The following PLAGL1 variants were observed in gnomAD, a reference collection of about 807,000 sequenced individuals.
PLAGL1 encodes PLAG1 like zinc finger 1.
In PLAGL1, 1 loss-of-function variant was observed where a neutral mutation model predicts 4.6. The observed-to-expected ratio is 0.22, with a 90% CI of 0.08 to 1.03. The LOEUF (loss-of-function observed/expected upper bound fraction) is 1.03, where lower values mean the gene tolerates loss of function less well. PLAGL1 is among the 50% of genes least tolerant of loss of function. The pLI is 0.58. For missense variants in PLAGL1, 464 were observed against 570.4 expected, an observed-to-expected ratio of 0.81 and a Z score of 1.90; for synonymous variants, 240 against 237.8, an observed-to-expected ratio of 1.01 and a Z score of -0.08.
rs918308001 is a variant in PLAGL1 at position 143,945,884 on chromosome 6, C to T, written c.152+2101G>A. On this transcript the variant is annotated intron_variant, in intron 7 of 7. Coordinates refer to ENST00000674357, the MANE Select transcript of PLAGL1 (RefSeq NM_001317162.2). This position sits in a 1 kb window ranked among gnomAD's most constrained non-coding sequence, Gnocchi z 4.2. ...ATGCTGGGGGCTGAGGCAGGGAAGG[C>T]GGTTCTTGCATAAAGTACACTGACA... is the stretch of plus-strand genomic sequence containing the variant. 3.9e-5 allele frequency among the ~76,000 whole-genome samples: 6 copies of T among 152,184 alleles called. No homozygotes were observed. Among genetic ancestry groups the T allele is most frequent in the African/African-American group, 1.2e-4 (5 of 41,436 alleles).
At chr6:144,051,399 C>T (rs1798575740) in intron 1 of PLAGL1, among the ~76,000 whole-genome samples, 2 of 152,324 alleles carry the variant, frequency 1.3e-5, no homozygotes, top group Non-Finnish European at 1.5e-5. Flanking sequence ...TTTTGGTAAA[C>T]AACACCCACC....
rs984114217 is a variant in PLAGL1 at position 143,952,042 on chromosome 6, A to G, written c.-324-3582T>C. Among the ~76,000 whole-genome samples the G allele has an allele frequency of 3.3e-5, 5 of 152,236 alleles. No homozygotes were observed. Among genetic ancestry groups the G allele is most frequent in the Non-Finnish European group, 7.3e-5 (5 of 68,042 alleles). ...ATAATAATAAACTTCTGTAAAAACA[A>G]GACTGTCTACCCCAACAGACTATAA... is the stretch of plus-strand genomic sequence containing the variant. On this transcript the variant is annotated intron_variant, in intron 6 of 7. Coordinates refer to ENST00000674357, the MANE Select transcript of PLAGL1 (RefSeq NM_001317162.2). The surrounding 1 kb of genome is among the most constrained non-coding windows in gnomAD (Gnocchi z 6.1).
intron 1 of PLAGL1, among the ~76,000 whole-genome samples, chr6:144,002,487 T>G (rs1210303172): frequency 6.6e-6 from 1 of 152,108 alleles, no homozygotes; most frequent in Non-Finnish European, 1.5e-5. Context: ...TAAACCATTT[T>G]TTTTCCAGAT....
rs1312790149 is a variant in PLAGL1, at chr6:144,004,677, A to G, written c.-584+3413T>C. ...ATCACAAAGGTATACACATATGTAA[A>G]TTTCACCAAGCTACACACTTTTTTT... On this transcript the variant is annotated intron_variant, in intron 1 of 7. Transcript: ENST00000674357. This position sits in a 1 kb window ranked among gnomAD's most constrained non-coding sequence, Gnocchi z 4.2. Among the ~76,000 whole-genome samples the G allele has an allele frequency of 6.6e-6, 1 of 152,168 alleles. No individual in the cohort carries two copies. The highest frequency in any genetic ancestry group is 2.4e-5 in the African/African-American group (1 of 41,444).
intron 1 of PLAGL1, among the ~76,000 whole-genome samples, chr6:144,020,921 C>A: frequency 6.9e-6 from 1 of 144,380 alleles, no homozygotes; most frequent in Admixed American, 7.0e-5. Flanking sequence ...TAATATAAAA[C>A]TATAGATATA....
In PLAGL1 at chr6:144,000,452, G is replaced by T. The variant is rs947440168; in HGVS notation, c.-584+7638C>A. Among the ~76,000 whole-genome samples the T allele has an allele frequency of 6.6e-6, 1 of 152,006 alleles. No homozygotes were observed. Among genetic ancestry groups the T allele is most frequent in the Non-Finnish European group, 1.5e-5 (1 of 67,954 alleles). On this transcript the variant is annotated intron_variant, in intron 1 of 7. Transcript: ENST00000674357. This position sits in a 1 kb window ranked among gnomAD's most constrained non-coding sequence, Gnocchi z 4.1. The stretch of plus-strand genomic sequence containing the variant: ...TTCACAGTAGCAACAAAAATCATCA[G>T]GATCTAGAAATAAATGTAACAAAAT...
In PLAGL1 at chr6:143,971,444, C is replaced by T. The variant is rs1785409068; in HGVS notation, c.-543-2466G>A. Among the ~76,000 whole-genome samples, 1 of 152,214 alleles carries T rather than the reference C, an allele frequency of 6.6e-6. No homozygotes were observed. The highest frequency in any genetic ancestry group is 1.5e-5 in the Non-Finnish European group (1 of 68,032). On this transcript the variant is annotated intron_variant, in intron 2 of 7. Transcript: ENST00000674357. The surrounding 1 kb of genome is among the most constrained non-coding windows in gnomAD (Gnocchi z 4.7). Reference sequence around the variant, plus strand: ...TTGTCTGCTTACTTACTCCCTCCTACAACACTTTCTAAAAATTTCCATTAT... The same window carrying T: ...TTGTCTGCTTACTTACTCCCTCCTATAACACTTTCTAAAAATTTCCATTAT...
rs915984797 is a variant in PLAGL1 at position 143,997,766 on chromosome 6, G to A, written c.-584+10324C>T. On this transcript the variant is annotated intron_variant, in intron 1 of 7. Coordinates refer to ENST00000674357, the MANE Select transcript of PLAGL1 (RefSeq NM_001317162.2). This position sits in a 1 kb window ranked among gnomAD's most constrained non-coding sequence, Gnocchi z 4.6. The stretch of plus-strand genomic sequence containing the variant: ...CATCAGAAGAGTGTGATCCATAGGG[G>A]AGGTGTTGACCAGGAGGTAAATGAG... Among the ~76,000 whole-genome samples the A allele has an allele frequency of 6.6e-6, 1 of 152,018 alleles. No individual in the cohort carries two copies. The highest frequency in any genetic ancestry group is 1.5e-5 in the Non-Finnish European group (1 of 68,022).
At chr6:143,993,104 C>T (rs1031691383) in intron 1 of PLAGL1, among the ~76,000 whole-genome samples, 10 of 151,618 alleles carry the variant, frequency 6.6e-5, no homozygotes, top group African/African-American at 1.2e-4. Context: ...GTCAGGAGTT[C>T]GAGTCCAGCC....
chr6:143,986,381 A>G (rs369428198), intron 1 of PLAGL1, among the ~76,000 whole-genome samples: 19 of 152,280 alleles, frequency 1.2e-4, no homozygotes, highest in African/African-American at 4.6e-4. Flanking sequence ...AAAGGTTGGG[A>G]CATGCAGAAA....
chr6:143,942,492 C>A lies in PLAGL1; in HGVS notation c.324G>T (p.Arg108Ser), dbSNP rs775255229. The A allele has an allele frequency of 1.2e-6, 2 of 1,614,158 alleles. No individual in the cohort carries two copies. The highest frequency in any genetic ancestry group is 3.3e-5 in the Admixed American group (2 of 60,018). The stretch of plus-strand genomic sequence containing the variant: ...TGCTGGCCGCATGGAGGGCCAGGTG[C>A]CTCTTATAGCCCAGCATGGTGTTGT... ...KKYNTMLGYKRHLALHAASSG... is the reference protein window; with the variant it reads ...KKYNTMLGYKSHLALHAASSG... The change falls in exon 8 of 8, where the codon AGG becomes AGT. Residue 108 changes from arginine (R) to serine (S), a missense_variant. This residue lies in a region of PLAGL1 where 161 missense variants were observed against 196.7 expected (regional missense o/e 0.82). Coordinates refer to ENST00000674357, the MANE Select transcript of PLAGL1 (RefSeq NM_001317162.2). This position sits in a 1 kb window ranked among gnomAD's most constrained non-coding sequence, Gnocchi z 7.6.
chr6:143,962,699 C>G lies in PLAGL1; in HGVS notation c.-399+2088G>C, dbSNP rs953974883. 1.3e-5 allele frequency among the ~76,000 whole-genome samples: 2 copies of G among 152,200 alleles called. No individual in the cohort carries two copies. Among genetic ancestry groups the G allele is most frequent in the Non-Finnish European group, 2.9e-5 (2 of 68,038 alleles). ...CCGCCTGCTGGGCATTCACTGAAAC[C>G]CACATTGAACAAAGGGATTTCCTTC... On this transcript the variant is annotated intron_variant, in intron 5 of 7. Transcript: ENST00000674357. The surrounding 1 kb of genome is among the most constrained non-coding windows in gnomAD (Gnocchi z 5.3).
chr6:144,017,069 C>G (rs774473900), intron 1 of PLAGL1, among the ~76,000 whole-genome samples: 3 of 152,086 alleles, frequency 2.0e-5, no homozygotes, highest in Non-Finnish European at 4.4e-5. Flanking sequence ...GTCCTTCAAA[C>G]AGATTGTGCA....
Position 144,059,952 on chromosome 6 carries a change from C to T in PLAGL1, c.-151+4516G>A, listed in dbSNP as rs751956514. Among the ~76,000 whole-genome samples the T allele has an allele frequency of 2.2e-4, 34 of 152,090 alleles. No homozygotes were observed. The highest frequency in any genetic ancestry group is 3.7e-4 in the Non-Finnish European group (25 of 68,006). ...TGGCCAAGGGTCTGAAAGGTCATTT[C>T]CCCCCATCTAGCAAGAGCAAGTCCT... On this transcript the variant is annotated intron_variant, in intron 1 of 3. Coordinates refer to the PLAGL1 transcript ENST00000437412. This position sits in a 1 kb window ranked among gnomAD's most constrained non-coding sequence, Gnocchi z 4.9.
At position 143,952,641 on chromosome 6, in the gene PLAGL1, G is replaced by A. The variant is rs1421385724; in HGVS notation, c.-324-4181C>T. 6.6e-6 allele frequency among the ~76,000 whole-genome samples: 1 copy of A among 152,126 alleles called. No homozygotes were observed. Among genetic ancestry groups the A allele is most frequent in the African/African-American group, 2.4e-5 (1 of 41,430 alleles). On this transcript the variant is annotated intron_variant, in intron 6 of 7. Coordinates refer to ENST00000674357, the MANE Select transcript of PLAGL1 (RefSeq NM_001317162.2). The surrounding 1 kb of genome is among the most constrained non-coding windows in gnomAD (Gnocchi z 6.1). ...CAGGGGACAGGGGTATACGAGGGTG[G>A]AGGGGGGAGTCAGAACACAACTGTA... is the stretch of plus-strand genomic sequence containing the variant.
chr6:143,941,423 A>G lies in PLAGL1; in HGVS notation c.*1T>C, dbSNP rs1408537404. ...TACGAAAAATACACTTTAAAAATCA[A>G]TTATCTGAATGCATGATGGAAATGA... On this transcript the variant is annotated 3_prime_UTR_variant, in exon 8 of 8. Transcript: ENST00000674357. The surrounding 1 kb of genome is among the most constrained non-coding windows in gnomAD (Gnocchi z 6.0). 6.0e-6 allele frequency: 9 copies of G among 1,495,884 alleles called. No homozygotes were observed. Among genetic ancestry groups the G allele is most frequent in the Admixed American group, 2.3e-5 (1 of 42,800 alleles). The allele number at this position is 1,495,884 out of a possible 1,614,324, so 92.7% of individuals were successfully genotyped here. A position where few individuals can be genotyped will look rare whatever the true frequency, so the allele number is the denominator to read the frequency against.
rs1386979724 is a variant in PLAGL1 at position 143,941,137 on chromosome 6, GACAA to G, written c.*283_*286del. On this transcript the variant is annotated 3_prime_UTR_variant, in exon 8 of 8. Coordinates refer to ENST00000674357, the MANE Select transcript of PLAGL1 (RefSeq NM_001317162.2). This position sits in a 1 kb window ranked among gnomAD's most constrained non-coding sequence, Gnocchi z 6.0. ...CATGGCTTACGATTAAATTCCATAT[GACAA>G]ACACTTATATATAGCAGCCGTCATT... The G allele has an allele frequency of 4.0e-6, 1 of 250,978 alleles. No individual in the cohort carries two copies. Among genetic ancestry groups the G allele is most frequent in the South Asian group, 1.6e-4 (1 of 6,228 alleles). The allele number at this position is 250,978 out of a possible 1,614,324, so 15.5% of individuals were successfully genotyped here. A position where few individuals can be genotyped will look rare whatever the true frequency, so the allele number is the denominator to read the frequency against.
Position 143,983,391 on chromosome 6 carries a change from T to C in PLAGL1, c.-544+1744A>G, listed in dbSNP as rs780458904. Among the ~76,000 whole-genome samples the C allele has an allele frequency of 3.3e-5, 5 of 152,094 alleles. No homozygotes were observed. The highest frequency in any genetic ancestry group is 7.4e-5 in the Non-Finnish European group (5 of 68,006). ...GTAGAGAGGAATGGGAGTTAAATAATTTTTTTAAGTAAAGCAGGGAGGTGG... is the reference window on the plus strand; with the variant it reads ...GTAGAGAGGAATGGGAGTTAAATAACTTTTTTAAGTAAAGCAGGGAGGTGG... On this transcript the variant is annotated intron_variant, in intron 2 of 7. Coordinates refer to ENST00000674357, the MANE Select transcript of PLAGL1 (RefSeq NM_001317162.2). This position sits in a 1 kb window ranked among gnomAD's most constrained non-coding sequence, Gnocchi z 6.6.
rs994006633 is a variant in PLAGL1 at position 144,061,936 on chromosome 6, A to G, written c.-151+2532T>C. On this transcript the variant is annotated intron_variant, in intron 1 of 3. Coordinates refer to the PLAGL1 transcript ENST00000437412. The surrounding 1 kb of genome is among the most constrained non-coding windows in gnomAD (Gnocchi z 4.4). ...TGCATGCAATTAAAACAATGTATCA[A>G]TTATATTTACTATGAATGTAGGACC... Among the ~76,000 whole-genome samples the G allele has an allele frequency of 6.6e-6, 1 of 152,214 alleles. No homozygotes were observed. Among genetic ancestry groups the G allele is most frequent in the Non-Finnish European group, 1.5e-5 (1 of 68,054 alleles).
Sources: gnomAD v4.1 joint callset for allele counts (sites outside exome capture counted in the v4.1 genomes callset) on GRCh38, gnomAD v4.1.1 for gene constraint, gnomAD v4.1.1 regional missense constraint, Gnocchi (gnomAD v3.1) non-coding constraint, MANE v1.5 for transcripts, NCBI Gene and HGNC (gene_info 2026-07-23, HGNC 2026-07-21) for gene names.